OSBPL3: variants seen among roughly 807,000 people sequenced by gnomAD.
OSBPL3 encodes the protein oxysterol-binding protein-related protein 3.
A neutral mutation model predicts 120.1 loss-of-function variants in OSBPL3; 65 were observed. The ratio of observed to expected loss-of-function variants is 0.54; its 90% confidence interval spans 0.44 to 0.67. OSBPL3 has a LOEUF of 0.67. OSBPL3 is among the 30% of genes least tolerant of loss of function. The probability of loss-of-function intolerance (pLI) is 0.00; values close to 1 mark genes in which losing one functional copy is unlikely to be tolerated. For missense variants in OSBPL3, 1,004 were observed against 1,082.1 expected, an observed-to-expected ratio of 0.93 and a Z score of 1.01; for synonymous variants, 416 against 402.6, an observed-to-expected ratio of 1.03 and a Z score of -0.40.
chr7:24,976,127 G>A (rs1817559620), intron 1 of OSBPL3, among the ~76,000 whole-genome samples: 1 of 152,140 alleles, frequency 6.6e-6, no homozygotes, highest in Admixed American at 6.5e-5. Flanking sequence ...AAGCAGTTGT[G>A]AACTTAACTT....
At chr7:24,876,105 A>C (rs1177613525) in intron 2 of OSBPL3, among the ~76,000 whole-genome samples, 1 of 152,130 alleles carries the variant, frequency 6.6e-6, no homozygotes, top group Non-Finnish European at 1.5e-5. Flanking sequence ...CATCCATTCC[A>C]TTAATTCCTC....
At chr7:24,812,442 T>C (rs1029562439) in intron 19 of OSBPL3, among the ~76,000 whole-genome samples, 1 of 152,056 alleles carries the variant, frequency 6.6e-6, no homozygotes, top group Non-Finnish European at 1.5e-5. Context: ...TCTGCTCAGT[T>C]CAGCTCAGCT....
At chr7:24,919,855 T>A (rs62450587) in intron 1 of OSBPL3, among the ~76,000 whole-genome samples, 13,131 of 151,112 alleles carry the variant, frequency 0.087, 762 homozygotes, top group East Asian at 0.28. Flanking sequence ...ATAACTACAA[T>A]AGACATTTCT....
intron 2 of OSBPL3, among the ~76,000 whole-genome samples, chr7:24,887,238 G>T (rs1269463887): frequency 6.6e-6 from 1 of 152,164 alleles, no homozygotes; most frequent in East Asian, 1.9e-4. Context: ...GTATGATTAA[G>T]ACAGTCAGGA....
At position 24,952,283 on chromosome 7, in the gene OSBPL3, A is replaced by C. The variant is rs1055448685; in HGVS notation, c.-150+27603T>G. On this transcript the variant is annotated intron_variant, in intron 1 of 22. Transcript: ENST00000313367. This position sits in a 1 kb window ranked among gnomAD's most constrained non-coding sequence, Gnocchi z 4.4. ...ATTAAGAAAAAAAATTAAGAAGCTA[A>C]GCACAACATAAATAGTCCAACTTTT... 1.4e-4 allele frequency among the ~76,000 whole-genome samples: 21 copies of C among 152,236 alleles called. No homozygotes were observed. The highest frequency in any genetic ancestry group is 5.1e-4 in the African/African-American group (21 of 41,468).
At chr7:24,961,405 A>T (rs571177434) in intron 1 of OSBPL3, among the ~76,000 whole-genome samples, 1 of 152,310 alleles carries the variant, frequency 6.6e-6, no homozygotes, top group South Asian at 2.1e-4. Flanking sequence ...CTATGGTCTG[A>T]ATGTTTATGT....
At chr7:24,841,406 G>A (rs1306823853) in intron 13 of OSBPL3, among the ~76,000 whole-genome samples, 2 of 151,592 alleles carry the variant, frequency 1.3e-5, no homozygotes, top group African/African-American at 4.8e-5. Flanking sequence ...TATTAAATAG[G>A]TAGAAGTCAA....
At position 24,804,570 on chromosome 7, in the gene OSBPL3, G is replaced by A. The variant is rs879820238; in HGVS notation, c.2445-133C>T. 8 of 690,804 alleles carry A rather than the reference G, an allele frequency of 1.2e-5. No individual in the cohort carries two copies. The highest frequency in any genetic ancestry group is 1.1e-4 in the South Asian group (5 of 43,508). The allele number at this position is 690,804 out of a possible 1,614,324, so 42.8% of individuals were successfully genotyped here. ...CTATACGTAAGACCCCGCCCCAACC[G>A]TTTAATCCGTATCTTGAAGTAGTCA... is the stretch of plus-strand genomic sequence containing the variant. On this transcript the variant is annotated intron_variant, in intron 21 of 22. Coordinates refer to ENST00000313367, the MANE Select transcript of OSBPL3 (RefSeq NM_015550.4). The surrounding 1 kb of genome is among the most constrained non-coding windows in gnomAD (Gnocchi z 5.4).
intron 1 of OSBPL3, among the ~76,000 whole-genome samples, chr7:24,945,744 AGAGGT>A (rs1813649878): frequency 6.6e-6 from 1 of 152,244 alleles, no homozygotes; most frequent in African/African-American, 2.4e-5. Context: ...TCACAATGTA[AGAGGT>A]AAGATGCTGA....
rs121 is a variant in OSBPL3, at chr7:24,898,067, A to G, written c.-149-5446T>C. On this transcript the variant is annotated intron_variant, in intron 1 of 22. Coordinates refer to ENST00000313367, the MANE Select transcript of OSBPL3 (RefSeq NM_015550.4). The surrounding 1 kb of genome is among the most constrained non-coding windows in gnomAD (Gnocchi z 4.3). ...GTGGGATATCTATTTCTGGTCTTTA[A>G]TAAAATAAAATTATTCAAATCCAAG... Among the ~76,000 whole-genome samples the G allele has an allele frequency of 0.56, 85,812 of 152,130 alleles. 25,340 individuals carry two copies. The highest frequency in any genetic ancestry group is 0.78 in the East Asian group (4,021 of 5,180).
In OSBPL3 at chr7:24,820,949, A is replaced by G. The variant is rs531550793; in HGVS notation, c.1885-711T>C. Among the ~76,000 whole-genome samples the G allele has an allele frequency of 6.6e-6, 1 of 152,366 alleles. No homozygotes were observed. Among genetic ancestry groups the G allele is most frequent in the African/African-American group, 2.4e-5 (1 of 41,592 alleles). On this transcript the variant is annotated intron_variant, in intron 16 of 22. Coordinates refer to ENST00000313367, the MANE Select transcript of OSBPL3 (RefSeq NM_015550.4). The surrounding 1 kb of genome is among the most constrained non-coding windows in gnomAD (Gnocchi z 4.6). ...CATTCCAGAAAAGAGAATCCCCTGG[A>G]GCAGAGAGTGCCCTTTGGCAAGGGG...
At chr7:24,814,744 G>A (rs79535459) in intron 19 of OSBPL3, among the ~76,000 whole-genome samples, 94 of 152,220 alleles carry the variant, frequency 6.2e-4, no homozygotes, top group African/African-American at 2.2e-3. Flanking sequence ...TGTAATATTC[G>A]TCCTTTTGGG....
chr7:24,844,115 T>C (rs1156582659), intron 12 of OSBPL3, among the ~76,000 whole-genome samples: 9 of 152,238 alleles, frequency 5.9e-5, no homozygotes, highest in Non-Finnish European at 8.8e-5. Context: ...CCAGCACTGC[T>C]GCACCCCAAG....
rs1799641480 is a variant in OSBPL3, at chr7:24,854,865, T to C, written c.1028-2231A>G. Among the ~76,000 whole-genome samples, 1 of 152,192 alleles carries C rather than the reference T, an allele frequency of 6.6e-6. No individual in the cohort carries two copies. Among genetic ancestry groups the C allele is most frequent in the East Asian group, 1.9e-4 (1 of 5,196 alleles). ...GATTGAATGAGAGAGGGAATGCAGG[T>C]AAAGCACATAACACAATGCGTGGTA... On this transcript the variant is annotated intron_variant, in intron 10 of 22. Transcript: ENST00000313367. The surrounding 1 kb of genome is among the most constrained non-coding windows in gnomAD (Gnocchi z 4.1).
In OSBPL3 at chr7:24,917,411, T is replaced by TATATATATATATTTGTAAC. The variant is rs1554404922; in HGVS notation, c.-149-24791_-149-24790insGTTACAAATATATATATAT. ...TATATATATTTGTAACATATATATA[T>TATATATATATATTTGTAAC]ATATATATATATATATTTGTAACAT... is the stretch of plus-strand genomic sequence containing the variant. On this transcript the variant is annotated intron_variant, in intron 1 of 22. Coordinates refer to ENST00000313367, the MANE Select transcript of OSBPL3 (RefSeq NM_015550.4). 5.5e-3 allele frequency among the ~76,000 whole-genome samples: 751 copies of TATATATATATATTTGTAAC among 137,588 alleles called. 11 individuals are homozygous for TATATATATATATTTGTAAC. The highest frequency in any genetic ancestry group is 0.02 in the African/African-American group (691 of 34,702). The allele number at this position is 137,588 out of a possible 152,430, so 90.3% of individuals were successfully genotyped here.
In OSBPL3 at chr7:24,799,810, A is replaced by T. The variant is rs1477529974; in HGVS notation, c.*373T>A. ...TCTTATTTCTTAATGCACCTGGGAG[A>T]GGTTGATTTTTTTTCTACAACATAA... On this transcript the variant is annotated 3_prime_UTR_variant, in exon 23 of 23. Transcript: ENST00000313367. This position sits in a 1 kb window ranked among gnomAD's most constrained non-coding sequence, Gnocchi z 5.3. 6.5e-6 allele frequency: 1 copy of T among 153,170 alleles called. No individual in the cohort carries two copies. Among genetic ancestry groups the T allele is most frequent in the Non-Finnish European group, 1.5e-5 (1 of 68,478 alleles). 9.5% of individuals were successfully genotyped at this position (153,170 alleles called of 1,614,324 possible).
chr7:24,841,670 G>A (rs1797760937), intron 13 of OSBPL3, among the ~76,000 whole-genome samples: 1 of 117,668 alleles, frequency 8.5e-6, no homozygotes, highest in Non-Finnish European at 1.6e-5. Flanking sequence ...ACTCCAGCCT[G>A]GCCAACAGAA....
At chr7:24,926,508 C>T (rs1180831236) in intron 1 of OSBPL3, among the ~76,000 whole-genome samples, 4 of 152,156 alleles carry the variant, frequency 2.6e-5, no homozygotes, top group Non-Finnish European at 4.4e-5. Context: ...ATACAAGGCT[C>T]AATTACCCCC....
intron 1 of OSBPL3, among the ~76,000 whole-genome samples, chr7:24,974,162 G>A (rs1817324330): frequency 6.6e-6 from 1 of 152,134 alleles, no homozygotes; most frequent in Admixed American, 6.5e-5. Context: ...AGCCACATGC[G>A]ACCAACGGCT....
Sources: gnomAD v4.1 joint callset for allele counts (sites outside exome capture counted in the v4.1 genomes callset) on GRCh38, gnomAD v4.1.1 for gene constraint, Gnocchi (gnomAD v3.1) non-coding constraint, MANE v1.5 for transcripts, NCBI Gene and HGNC (gene_info 2026-07-23, HGNC 2026-07-21) for gene names.